PCCB: variants seen among roughly 807,000 people sequenced by gnomAD.
PCCB encodes propionyl-CoA carboxylase subunit beta, also known as propionyl-CoA carboxylase beta chain, mitochondrial.
Under a neutral mutation model 60.7 loss-of-function variants are expected in PCCB, and 43 were observed. The ratio of observed to expected loss-of-function variants is 0.71; its 90% confidence interval spans 0.55 to 0.91. PCCB has a LOEUF of 0.91. PCCB is among the 40% of genes least tolerant of loss of function. PCCB has a pLI of 0.00. For missense variants in PCCB, 766 were observed against 702.8 expected (o/e 1.09, Z -1.02); for synonymous variants, 276 against 255.9 (o/e 1.08, Z -0.75).
At position 136,250,398 on chromosome 3, in the gene PCCB, C is replaced by T. The variant is rs764602019; in HGVS notation, c.23C>T (p.Ala8Val). The change falls in exon 1 of 15, where the codon GCG becomes GTG. Residue 8 changes from alanine (A) to valine (V), a missense_variant. By Grantham distance (64) the Ala-to-Val change is moderately conservative (BLOSUM62 0). Coordinates refer to ENST00000251654, the MANE Select transcript of PCCB (RefSeq NM_000532.5). MAAALRV[A>V]AVGARLSVLA... The stretch of plus-strand genomic sequence containing the variant: ...AAAATGGCGGCGGCATTACGGGTGG[C>T]GGCGGTCGGGGCAAGGCTCAGCGTT... 28 of 1,539,648 alleles carry T rather than the reference C, an allele frequency of 1.8e-5. No homozygotes were observed. In the African/African-American group the frequency reaches 3.3e-4, roughly 18 times the overall value.
chr3:136,268,098 A>ATGTG (rs1283713299), intron 5 of PCCB, among the ~76,000 whole-genome samples: 71 of 115,500 alleles, frequency 6.1e-4, no homozygotes, highest in Admixed American at 1.4e-3. Flanking sequence ...ATATATATAT[A>ATGTG]TATATATATA....
At chr3:136,302,960 T>C (rs1297391631) in intron 9 of PCCB, among the ~76,000 whole-genome samples, 2 of 121,996 alleles carry the variant, frequency 1.6e-5, no homozygotes, top group Admixed American at 9.8e-5. Context: ...GGCTGTCGCC[T>C]GTAGTCCCAT....
chr3:136,301,737 C>T (rs1934291991), intron 9 of PCCB, among the ~76,000 whole-genome samples: 1 of 152,060 alleles, frequency 6.6e-6, no homozygotes, highest in Non-Finnish European at 1.5e-5. Flanking sequence ...GTCAGATTCT[C>T]CCTCTTCCCT....
intron 5 of PCCB, among the ~76,000 whole-genome samples, chr3:136,267,203 T>C (rs761894104): frequency 6.6e-6 from 1 of 152,160 alleles, no homozygotes; most frequent in Non-Finnish European, 1.5e-5. Flanking sequence ...TTTTATTTTT[T>C]AGAGACAGGG....
intron 8 of PCCB, among the ~76,000 whole-genome samples, chr3:136,300,174 A>G (rs533870356): frequency 5.1e-4 from 78 of 152,016 alleles, no homozygotes; most frequent in African/African-American, 1.8e-3. Flanking sequence ...ACATATGTAT[A>G]TGTGTATATA....
intron 14 of PCCB, 127 bp downstream of exon 14, chr3:136,328,984 G>T: frequency 1.3e-6 from 1 of 769,350 alleles, no homozygotes; most frequent in Non-Finnish European, 2.3e-6. Context: ...GTGAGGGTTG[G>T]GACTGTCCCT....
chr3:136,262,764 C>G (rs1386280281), intron 5 of PCCB, among the ~76,000 whole-genome samples: 1 of 152,154 alleles, frequency 6.6e-6, no homozygotes, highest in South Asian at 2.1e-4. Flanking sequence ...GCCAGCCACT[C>G]TTATCATCCC....
In PCCB at chr3:136,283,720, G is replaced by A. The variant is rs572066414; in HGVS notation, c.544-117G>A. The stretch of plus-strand genomic sequence containing the variant: ...TCACTGATTAGGTCTGTTGCCTCCT[G>A]TATAGAATTTCTGTGGGAAAAAAGC... On this transcript the variant is annotated intron_variant, in intron 5 of 14. Transcript: ENST00000251654. The A allele has an allele frequency of 1.4e-5, 10 of 724,358 alleles. No homozygotes were observed. In the African/African-American group the frequency reaches 1.6e-4, roughly 11 times the overall value. 44.9% of individuals were successfully genotyped at this position (724,358 alleles called of 1,614,324 possible).
In PCCB at chr3:136,251,103, C is replaced by T. The variant is rs746552975; in HGVS notation, c.183+545C>T. 4 of 416,402 alleles carry T rather than the reference C, an allele frequency of 9.6e-6. No individual in the cohort carries two copies. In the East Asian group the frequency reaches 2.8e-4, roughly 29 times the overall value. The allele number at this position is 416,402 out of a possible 1,614,324, so 25.8% of individuals were successfully genotyped here. A position where few individuals can be genotyped will look rare whatever the true frequency, so the allele number is the denominator to read the frequency against. ...GAATGCCTGGTCGAGCTCTTTAGGG[C>T]CTTAGCATGCCTCGCCTTGATGGGT... On this transcript the variant is annotated intron_variant, in intron 1 of 14. Transcript: ENST00000251654.
At chr3:136,322,281 GAACTA>G (rs1935137644) in intron 10 of PCCB, among the ~76,000 whole-genome samples, 2 of 152,058 alleles carry the variant, frequency 1.3e-5, no homozygotes, top group Admixed American at 1.3e-4. Flanking sequence ...TTTGACTGTT[GAACTA>G]AACTCACATA....
At chr3:136,286,493 G>A (rs749893595) in intron 6 of PCCB, among the ~76,000 whole-genome samples, 9 of 152,062 alleles carry the variant, frequency 5.9e-5, no homozygotes, top group Non-Finnish European at 1.3e-4. Context: ...TGCAGCCTTC[G>A]CCATTTTAAA....
chr3:136,309,606 C>G (rs1172286048), intron 9 of PCCB, among the ~76,000 whole-genome samples: 1 of 151,872 alleles, frequency 6.6e-6, no homozygotes, highest in African/African-American at 2.4e-5. Flanking sequence ...TGAAGACCAA[C>G]CTGGGCAACA....
chr3:136,279,777 C>T (rs1367772094), intron 5 of PCCB, among the ~76,000 whole-genome samples: 1 of 152,126 alleles, frequency 6.6e-6, no homozygotes, highest in Non-Finnish European at 1.5e-5. Context: ...ACGCCATTCT[C>T]CTGCCTCAGC....
At chr3:136,298,828 A>G (rs1017034638) in intron 8 of PCCB, among the ~76,000 whole-genome samples, 1 of 152,128 alleles carries the variant, frequency 6.6e-6, no homozygotes, top group Non-Finnish European at 1.5e-5. Context: ...GGGATTTGAA[A>G]TTGTATTGTT....
chr3:136,325,757 A>C lies in PCCB; in HGVS notation c.1091-1046A>C, dbSNP rs573996329. Among the ~76,000 whole-genome samples the C allele has an allele frequency of 9.2e-5, 14 of 152,238 alleles. No individual in the cohort carries two copies. In the South Asian group the frequency reaches 2.9e-3, roughly 32 times the overall value. On this transcript the variant is annotated intron_variant, in intron 10 of 14. Transcript: ENST00000251654. ...TTTTCCTTTATTTAATAATTTCATTAGTTTTCACATGCTGAAATCAACCTT... is the reference window on the plus strand; with the variant it reads ...TTTTCCTTTATTTAATAATTTCATTCGTTTTCACATGCTGAAATCAACCTT...
chr3:136,283,562 A>G (rs567569911), intron 5 of PCCB, among the ~76,000 whole-genome samples: 154 of 152,278 alleles, frequency 1.0e-3, no homozygotes, highest in African/African-American at 3.6e-3. Flanking sequence ...TCTGTACCTC[A>G]TGCCCTTAGT....
At chr3:136,319,463 C>A (rs1935031966) in intron 10 of PCCB, among the ~76,000 whole-genome samples, 2 of 150,708 alleles carry the variant, frequency 1.3e-5, no homozygotes, top group South Asian at 2.1e-4. Context: ...ATGGTACGAT[C>A]TCGGCTTATT....
chr3:136,301,976 A>G (rs1934303130), intron 9 of PCCB, among the ~76,000 whole-genome samples: 1 of 152,210 alleles, frequency 6.6e-6, no homozygotes, highest in Non-Finnish European at 1.5e-5. Context: ...AAAAAAATGA[A>G]GATGGTAAAA....
At chr3:136,320,737 G>A (rs1935079632) in intron 10 of PCCB, among the ~76,000 whole-genome samples, 1 of 152,066 alleles carries the variant, frequency 6.6e-6, no homozygotes, top group African/African-American at 2.4e-5. Context: ...TGGATTTGCT[G>A]GGATTTTCTA....
Sources: allele counts gnomAD v4.1 joint callset (sites outside exome capture counted in the v4.1 genomes callset), GRCh38; gene constraint gnomAD v4.1.1; transcripts MANE v1.5; gene names NCBI Gene and HGNC (gene_info 2026-07-23, HGNC 2026-07-21).